EIF4A3: variants seen among roughly 807,000 people sequenced by gnomAD.
The protein encoded by EIF4A3 is eukaryotic translation initiation factor 4A3.
EIF4A3 carries 1 observed loss-of-function variant against 55.6 expected under a neutral mutation model. The ratio of observed to expected loss-of-function variants is 0.02; its 90% CI spans 0.01 to 0.09. The LOEUF (loss-of-function observed/expected upper bound fraction) is 0.09. Among genes scored for constraint, EIF4A3 ranks in the 10% least tolerant of loss-of-function variants. The pLI is 1.00. For synonymous variants in EIF4A3, 194 were observed against 196.3 expected (o/e 0.99, Z 0.10); for missense variants, 221 against 540.7 (o/e 0.41, Z 5.86).
rs780778191 is a variant in EIF4A3, at chr17:80,139,704, C to T, written c.552G>A (p.Leu184=). Residue 184 remains leucine (L), a synonymous_variant, in exon 6 of 12, where the codon TTG becomes TTA. Coordinates refer to ENST00000649764, the MANE Select transcript of EIF4A3 (RefSeq NM_014740.4). The part of the protein sequence containing the change: ...RSLRTRAIKM[L]VLDEADEMLN... ...ACATTTCATCAGCTTCATCCAAAAC[C>T]AACATTTTGATAGCACGTGTCCTTA... is the stretch of plus-strand genomic sequence containing the variant. 7.4e-6 allele frequency: 12 copies of T among 1,613,882 alleles called. No homozygotes were observed. In the Admixed American group the frequency reaches 1.7e-4, roughly 22 times the overall value.
intron 7 of EIF4A3, chr17:80,138,532 A>AAT: frequency 7.1e-6 from 3 of 423,162 alleles, no homozygotes; most frequent in Non-Finnish European, 8.2e-6. Flanking sequence ...CTGATAAATA[A>AAT]ATAGTCACCT....
In EIF4A3 at chr17:80,137,506, A is replaced by G; in HGVS notation, c.868-5T>C. On this transcript the variant is annotated splice_polypyrimidine_tract_variant and splice_region_variant and intron_variant, in intron 8 of 11. Coordinates refer to ENST00000649764, the MANE Select transcript of EIF4A3 (RefSeq NM_014740.4). ...TTTCTCCGTCAGCCAGTCCACCTACAAATCCAATCAACAGATGCTACTGCA... is the reference window on the plus strand; with the variant it reads ...TTTCTCCGTCAGCCAGTCCACCTACGAATCCAATCAACAGATGCTACTGCA... The G allele has an allele frequency of 6.2e-7, 1 of 1,611,830 alleles. No homozygotes were observed. Among genetic ancestry groups the G allele is most frequent in the South Asian group, 1.1e-5 (1 of 90,640 alleles).
intron 9 of EIF4A3, 66 bp downstream of exon 9, chr17:80,137,320 C>T (rs2039579078): frequency 1.4e-6 from 2 of 1,415,148 alleles, no homozygotes; most frequent in Non-Finnish European, 2.0e-6. Context: ...TTAGGCGGTA[C>T]ATATGAAGTG....
intron 11 of EIF4A3, chr17:80,135,778 C>G (rs2039565431): frequency 1.6e-6 from 1 of 620,606 alleles, no homozygotes; most frequent in Admixed American, 3.1e-5. Flanking sequence ...GTCTGTAATT[C>G]CAGCTACTCA....
intron 3 of EIF4A3, 102 bp from the exon 4 acceptor site, chr17:80,141,483 A>G: frequency 8.5e-7 from 1 of 1,179,156 alleles, no homozygotes; most frequent in Non-Finnish European, 1.2e-6. Flanking sequence ...ATCTCATATT[A>G]ATCATACTTC....
In EIF4A3 at chr17:80,146,875, C is replaced by G. The variant is rs1413518243; in HGVS notation, c.87G>C (p.Glu29Asp). 6 of 1,611,474 alleles carry G rather than the reference C, an allele frequency of 3.7e-6. No homozygotes were observed. Among genetic ancestry groups the G allele is most frequent in the Non-Finnish European group, 8.5e-7 (1 of 1,179,136 alleles). ...GGGTCACATCCACCTCCTCGCTGGT[C>G]TCGAATTCCACTTTAGTCATGTCTT... is the stretch of plus-strand genomic sequence containing the variant. ...KEEDMTKVEF[E>D]TSEEVDVTPT... Residue 29 changes from glutamate to aspartate, a missense_variant, in exon 1 of 12, where the codon GAG (glutamate) becomes GAC (aspartate). Around this residue, in one of 4 missense-constraint regions of EIF4A3, gnomAD observed 43 missense variants for 39.1 expected, o/e 1.10. Coordinates refer to ENST00000649764, the MANE Select transcript of EIF4A3 (RefSeq NM_014740.4).
chr17:80,147,045 C>G lies in EIF4A3; in HGVS notation c.-84G>C, dbSNP rs1169894641. On this transcript the variant is annotated 5_prime_UTR_variant, in exon 1 of 12. Transcript: ENST00000649764. ...GACCTCGCTGTGCCGCTGCCGACCTCGCTGCCGCTGCCGACCTCGCTGTGC... is the reference window on the plus strand; with the variant it reads ...GACCTCGCTGTGCCGCTGCCGACCTGGCTGCCGCTGCCGACCTCGCTGTGC... 7.4e-7 allele frequency: 1 copy of G among 1,351,422 alleles called. No individual in the cohort carries two copies. Among genetic ancestry groups the G allele is most frequent in the Non-Finnish European group, 9.5e-7 (1 of 1,052,118 alleles). 83.7% of individuals were successfully genotyped at this position (1,351,422 alleles called of 1,614,324 possible).
chr17:80,137,309 C>T (rs759871849), intron 9 of EIF4A3, 77 bp downstream of exon 9: 10 of 1,320,530 alleles, frequency 7.6e-6, no homozygotes, highest in Non-Finnish European at 9.4e-6. Context: ...GGGGCCTGCA[C>T]TTAGGCGGTA....
chr17:80,142,387 C>T (rs1434476682), intron 2 of EIF4A3, among the ~76,000 whole-genome samples: 1 of 152,188 alleles, frequency 6.6e-6, no homozygotes, highest in African/African-American at 2.4e-5. Context: ...CTCTGACCTT[C>T]TGCTCTCCTT....
intron 2 of EIF4A3, among the ~76,000 whole-genome samples, chr17:80,143,909 G>A (rs1386642935): frequency 2.0e-5 from 3 of 152,122 alleles, no homozygotes; most frequent in Non-Finnish European, 4.4e-5. Flanking sequence ...GAAACTGAGA[G>A]GCAAAGGTTG....
Position 80,140,031 on chromosome 17 carries a change from G to A in EIF4A3, c.482C>T (p.Ala161Val), listed in dbSNP as rs1198756729. The A allele has an allele frequency of 1.9e-6, 3 of 1,613,176 alleles. No individual in the cohort carries two copies. The highest frequency in any genetic ancestry group is 1.7e-6 in the Non-Finnish European group (2 of 1,179,756). Residue 161 changes from alanine (A) to valine (V), a missense_variant, in exon 5 of 12, where the codon GCG (alanine) becomes GTG (valine). Around this residue, in one of 4 missense-constraint regions of EIF4A3, gnomAD observed 85 missense variants for 205.8 expected, o/e 0.41. Coordinates refer to ENST00000649764, the MANE Select transcript of EIF4A3 (RefSeq NM_014740.4). ...RKLDYGQHVV[A>V]GTPGRVFDMI... is the part of the protein sequence containing the mutation. Reference sequence around the variant, plus strand: ...ACCAAAAACACGCCCTGGAGTGCCCGCGACAACATGCTGTCCGTAATCCAG... The same window carrying A: ...ACCAAAAACACGCCCTGGAGTGCCCACGACAACATGCTGTCCGTAATCCAG...
At chr17:80,141,586 C>T (rs1414921470) in intron 3 of EIF4A3, 196 bp downstream of exon 3, 1 of 720,038 alleles carries the variant, frequency 1.4e-6, no homozygotes, top group Non-Finnish European at 2.3e-6. Context: ...ACAAGAGCTT[C>T]CTCTAGTTAA....
At chr17:80,142,633 T>C (rs79588717) in intron 2 of EIF4A3, among the ~76,000 whole-genome samples, 1 of 152,204 alleles carries the variant, frequency 6.6e-6, no homozygotes, top group East Asian at 1.9e-4. Flanking sequence ...CAGTCCCAGC[T>C]ACTTGGGAGG....
intron 6 of EIF4A3, 148 bp from the exon 7 acceptor site, chr17:80,139,310 C>T (rs1443955624): frequency 3.7e-5 from 38 of 1,037,952 alleles, no homozygotes; most frequent in East Asian, 1.8e-4. Flanking sequence ...CACCAGGCCA[C>T]ATCCACGCGT....
At chr17:80,136,531 G>A (rs2039571828) in intron 9 of EIF4A3, 196 bp from the exon 10 acceptor site, 1 of 565,954 alleles carries the variant, frequency 1.8e-6, no homozygotes, top group Non-Finnish European at 3.1e-6. Context: ...GGCTGTTGGT[G>A]GATTTAGTTA....
intron 2 of EIF4A3, among the ~76,000 whole-genome samples, chr17:80,143,627 A>T (rs1229949201): frequency 6.6e-6 from 1 of 152,196 alleles, no homozygotes; most frequent in African/African-American, 2.4e-5. Flanking sequence ...GTTTTTCCGA[A>T]ATTGTGTTAT....
chr17:80,145,733 A>G (rs940072381), intron 1 of EIF4A3, among the ~76,000 whole-genome samples: 3 of 152,114 alleles, frequency 2.0e-5, no homozygotes, highest in Admixed American at 2.0e-4. Flanking sequence ...AAACATACCA[A>G]GAGACAGCTC....
At chr17:80,141,877 T>G in intron 2 of EIF4A3, 29 bp from the exon 3 acceptor site, 2 of 1,607,118 alleles carry the variant, frequency 1.2e-6, no homozygotes, top group East Asian at 4.5e-5. Context: ...GCAGTGGGAT[T>G]AGAGGGAGGA....
intron 7 of EIF4A3, 35 bp from the exon 8 acceptor site, chr17:80,138,315 TC>T (rs1567848753): frequency 5.6e-6 from 9 of 1,610,006 alleles, no homozygotes; most frequent in Non-Finnish European, 1.7e-6. Context: ...TACATACTCA[TC>T]CTTCCTTCTA....
Sources: allele counts gnomAD v4.1 joint callset (sites outside exome capture counted in the v4.1 genomes callset), GRCh38; gene constraint gnomAD v4.1.1; regional missense constraint gnomAD v4.1.1; transcripts MANE v1.5; gene names NCBI Gene and HGNC (gene_info 2026-07-23, HGNC 2026-07-21).